RALYL: variants seen among roughly 807,000 people sequenced by gnomAD.
RALYL encodes RNA-binding Raly-like protein.
In RALYL, 29 loss-of-function variants were observed where a neutral mutation model predicts 35.1. The ratio of observed to expected loss-of-function variants is 0.83; its 90% CI spans 0.61 to 1.13. The LOEUF (loss-of-function observed/expected upper bound fraction) is 1.13, where lower values mean the gene tolerates loss of function less well. Ranked by LOEUF, RALYL falls within the 50% of genes most tolerant of loss-of-function variation. RALYL has a pLI of 0.00. For missense variants in RALYL, 359 were observed against 360.4 expected, an observed-to-expected ratio of 1.00 and a Z score of 0.03; for synonymous variants, 120 against 127.6, an observed-to-expected ratio of 0.94 and a Z score of 0.40.
chr8:84,274,628 A>C (rs764056354), intron 1 of RALYL, among the ~76,000 whole-genome samples: 1 of 152,196 alleles, frequency 6.6e-6, no homozygotes, highest in African/African-American at 2.4e-5. Context: ...TGCTGACACC[A>C]TAAGAGACTG....
intron 1 of RALYL, among the ~76,000 whole-genome samples, chr8:84,468,561 C>G (rs2133604722): frequency 6.7e-6 from 1 of 149,146 alleles, no homozygotes; most frequent in East Asian, 2.0e-4. Flanking sequence ...ACCTTTCTCT[C>G]TGGCTGCCCT....
intron 4 of RALYL, among the ~76,000 whole-genome samples, chr8:84,816,579 A>G (rs1827343492): frequency 6.6e-6 from 1 of 152,110 alleles, no homozygotes; most frequent in Non-Finnish European, 1.5e-5. Flanking sequence ...TTATCTCACA[A>G]TATATTATTT....
intron 2 of RALYL, among the ~76,000 whole-genome samples, chr8:84,754,796 T>C (rs1338667756): frequency 6.6e-6 from 1 of 152,184 alleles, no homozygotes; most frequent in Non-Finnish European, 1.5e-5. Flanking sequence ...CGGTAGGTCT[T>C]GTGGGGAGGT....
At chr8:84,558,820 T>C (rs2061301894) in intron 2 of RALYL, among the ~76,000 whole-genome samples, 1 of 152,134 alleles carries the variant, frequency 6.6e-6, no homozygotes, top group South Asian at 2.1e-4. Flanking sequence ...CACTTTCTGA[T>C]TTTGTCCTTG....
At chr8:84,634,294 T>C (rs1824556805) in intron 2 of RALYL, among the ~76,000 whole-genome samples, 1 of 151,876 alleles carries the variant, frequency 6.6e-6, no homozygotes, top group African/African-American at 2.4e-5. Context: ...CTGCCAATAA[T>C]ACTCTTCCCC....
chr8:84,730,496 A>G (rs1845948708), intron 2 of RALYL, among the ~76,000 whole-genome samples: 1 of 144,126 alleles, frequency 6.9e-6, no homozygotes, highest in Admixed American at 6.8e-5. Context: ...GCCCTCTCTC[A>G]CCACTCCTAT....
intron 1 of RALYL, among the ~76,000 whole-genome samples, chr8:84,250,516 C>T (rs936186774): frequency 3.9e-5 from 6 of 151,944 alleles, no homozygotes; most frequent in Admixed American, 1.3e-4. Flanking sequence ...CAAGTGTCCA[C>T]CACCCAGAGA....
At chr8:84,611,363 A>T (rs7828076) in intron 2 of RALYL, among the ~76,000 whole-genome samples, 1 of 151,892 alleles carries the variant, frequency 6.6e-6, no homozygotes, top group Non-Finnish European at 1.5e-5. Flanking sequence ...TCTTCCTAGC[A>T]TTATAACCAT....
At chr8:84,261,107 G>GTTTGT (rs1554593077) in intron 1 of RALYL, among the ~76,000 whole-genome samples, 1 of 148,506 alleles carries the variant, frequency 6.7e-6, no homozygotes, top group African/African-American at 2.5e-5. Flanking sequence ...TTATTTACAG[G>GTTTGT]TTTTTTTTTT....
chr8:84,790,190 G>A (rs1048735428), intron 3 of RALYL, among the ~76,000 whole-genome samples: 1 of 152,160 alleles, frequency 6.6e-6, no homozygotes, highest in Non-Finnish European at 1.5e-5. Context: ...GAAAAAAGCA[G>A]GGCAAGCTAG....
chr8:84,719,924 C>T (rs1443914915), intron 2 of RALYL, among the ~76,000 whole-genome samples: 1 of 152,116 alleles, frequency 6.6e-6, no homozygotes, highest in East Asian at 1.9e-4. Context: ...ACCCCAGCCC[C>T]TTTCCACTCT....
At chr8:84,769,045 G>C (rs186799078) in intron 2 of RALYL, among the ~76,000 whole-genome samples, 1 of 152,122 alleles carries the variant, frequency 6.6e-6, no homozygotes, top group Non-Finnish European at 1.5e-5. Context: ...ATTTATTGAT[G>C]AGAATAATTT....
chr8:84,470,335 C>T (rs1211197283), intron 1 of RALYL, among the ~76,000 whole-genome samples: 2 of 151,992 alleles, frequency 1.3e-5, no homozygotes, highest in Non-Finnish European at 2.9e-5. Flanking sequence ...AAACTGAATT[C>T]CCAAGGGCAT....
At chr8:84,886,967 T>C (rs28704847) in intron 7 of RALYL, among the ~76,000 whole-genome samples, 6,279 of 152,308 alleles carry the variant, frequency 0.041, 445 homozygotes, top group African/African-American at 0.14. Context: ...TATTAGGTGA[T>C]GAAGCTCAAC....
At chr8:84,481,850 T>C (rs1469184039) in intron 1 of RALYL, among the ~76,000 whole-genome samples, 1 of 152,092 alleles carries the variant, frequency 6.6e-6, no homozygotes, top group Non-Finnish European at 1.5e-5. Context: ...AAGAAAATAT[T>C]CTCAGTGGTA....
intron 1 of RALYL, among the ~76,000 whole-genome samples, chr8:84,454,670 A>G (rs2049934422): frequency 6.6e-6 from 1 of 152,054 alleles, no homozygotes; most frequent in African/African-American, 2.4e-5. Context: ...TCTAGTTAAA[A>G]AACATTTCAT....
In RALYL at chr8:84,443,754, C is replaced by T. The variant is rs1184554587; in HGVS notation, c.-23-85545C>T. On this transcript the variant is annotated intron_variant, in intron 1 of 8. Transcript: ENST00000521268. ...TCTTCTTTGAATTTATCTTGATGCA[C>T]GTACCCCCTGTGTTTAGCTTTAAAT... 8.5e-5 allele frequency among the ~76,000 whole-genome samples: 13 copies of T among 152,162 alleles called. 1 individual carries two copies. The highest frequency in any genetic ancestry group is 3.4e-3 in the Middle Eastern group (1 of 294).
At chr8:84,491,142 A>G (rs1308829622) in intron 1 of RALYL, among the ~76,000 whole-genome samples, 1 of 151,980 alleles carries the variant, frequency 6.6e-6, no homozygotes, top group Non-Finnish European at 1.5e-5. Flanking sequence ...AAATACAAAT[A>G]CTTTTGAAAT....
chr8:84,460,449 T>C (rs1287971145), intron 1 of RALYL, among the ~76,000 whole-genome samples: 1 of 151,690 alleles, frequency 6.6e-6, no homozygotes, highest in African/African-American at 2.4e-5. Flanking sequence ...AGGCTTATTA[T>C]GGTGCATCCA....
Sources: gnomAD v4.1 joint callset for allele counts (sites outside exome capture counted in the v4.1 genomes callset) on GRCh38, gnomAD v4.1.1 for gene constraint, MANE v1.5 for transcripts, NCBI Gene and HGNC (gene_info 2026-07-23, HGNC 2026-07-21) for gene names.